Variants in DLG2 observed in about 807,000 individuals in gnomAD.
DLG2 encodes disks large homolog 2.
Under a neutral mutation model 132.5 loss-of-function variants are expected in DLG2, and 45 were observed. That is an observed-to-expected ratio of 0.34 (90% confidence interval 0.27 to 0.44). The LOEUF is 0.44. Among genes scored for constraint, DLG2 ranks in the 20% least tolerant of loss-of-function variants. The pLI, the probability that DLG2 is intolerant of heterozygous loss-of-function variation, is 1.00. For synonymous variants in DLG2, 424 were observed against 419.6 expected (o/e 1.01, Z -0.13); for missense variants, 1,045 against 1,196.9 (o/e 0.87, Z 1.87).
intron 11 of DLG2, among the ~76,000 whole-genome samples, chr11:83,983,298 A>C (rs1217618866): frequency 6.6e-6 from 1 of 152,124 alleles, no homozygotes; most frequent in Non-Finnish European, 1.5e-5. Context: ...ACAGATATTA[A>C]TCAAGGGCCT....
intron 3 of DLG2, among the ~76,000 whole-genome samples, chr11:85,367,627 C>T (rs2084657087): frequency 6.6e-6 from 1 of 152,102 alleles, no homozygotes; most frequent in South Asian, 2.1e-4. Flanking sequence ...GAGCAAGTTA[C>T]TAAACATTGT....
intron 6 of DLG2, among the ~76,000 whole-genome samples, chr11:84,821,651 CA>C (rs1452375406): frequency 1.2e-4 from 15 of 121,056 alleles, no homozygotes; most frequent in South Asian, 7.6e-4. Context: ...ACAACAACAA[CA>C]AAAAAAACAA....
rs375351242 is a variant in DLG2, at chr11:84,993,286, G to A, written c.357+118375C>T. ...GGAGGGTGGGGGGCAAGGAGAGGGA[G>A]AGTGTTAGAACACTACCTAATGCAT... On this transcript the variant is annotated intron_variant, in intron 6 of 27. Transcript: ENST00000376104. 4.5e-4 allele frequency among the ~76,000 whole-genome samples: 69 copies of A among 152,286 alleles called. No individual in the cohort carries two copies. In the South Asian group the frequency reaches 0.013, roughly 29 times the overall value.
At chr11:85,144,778 A>G (rs1210168042) in intron 5 of DLG2, among the ~76,000 whole-genome samples, 1 of 151,856 alleles carries the variant, frequency 6.6e-6, no homozygotes, top group African/African-American at 2.4e-5. Context: ...TATACTATCT[A>G]TTTCTTAGAA....
intron 6 of DLG2, among the ~76,000 whole-genome samples, chr11:84,688,577 C>A (rs2057642290): frequency 6.6e-6 from 1 of 152,110 alleles, no homozygotes; most frequent in African/African-American, 2.4e-5. Context: ...CAGTTCTTGC[C>A]CTTAAGAAGA....
At chr11:83,856,260 G>A (rs2060519996) in intron 16 of DLG2, among the ~76,000 whole-genome samples, 1 of 152,092 alleles carries the variant, frequency 6.6e-6, no homozygotes, top group South Asian at 2.1e-4. Flanking sequence ...TTGATTCCAT[G>A]TCTTTGCTAT....
At chr11:85,207,313 C>T (rs2152562976) in intron 4 of DLG2, among the ~76,000 whole-genome samples, 1 of 152,290 alleles carries the variant, frequency 6.6e-6, no homozygotes, top group South Asian at 2.1e-4. Context: ...AAGCCCTACT[C>T]CCCCAGCCTA....
intron 4 of DLG2, among the ~76,000 whole-genome samples, chr11:85,245,761 C>T (rs1470874209): frequency 6.6e-6 from 1 of 151,960 alleles, no homozygotes; most frequent in East Asian, 1.9e-4. Flanking sequence ...CCCTCTCTGG[C>T]TTTACCTGCT....
intron 3 of DLG2, among the ~76,000 whole-genome samples, chr11:85,392,800 T>C (rs150510419): frequency 3.9e-5 from 6 of 152,078 alleles, no homozygotes; most frequent in East Asian, 1.9e-4. Flanking sequence ...CCTTGTCTCA[T>C]CTCTCACCTT....
At chr11:84,420,139 T>C (rs2154464064) in intron 7 of DLG2, among the ~76,000 whole-genome samples, 1 of 152,290 alleles carries the variant, frequency 6.6e-6, no homozygotes, top group Non-Finnish European at 1.5e-5. Flanking sequence ...AATTATCACG[T>C]AAACCTTCTT....
intron 9 of DLG2, among the ~76,000 whole-genome samples, chr11:84,123,260 G>C (rs2154207899): frequency 6.6e-6 from 1 of 152,300 alleles, no homozygotes; most frequent in Non-Finnish European, 1.5e-5. Context: ...TAAAGCATCT[G>C]TAATGCACTT....
Position 84,708,769 on chromosome 11 carries a change from C to T in DLG2, c.358-174038G>A, listed in dbSNP as rs192067939. On this transcript the variant is annotated intron_variant, in intron 6 of 27. Coordinates refer to ENST00000376104, the MANE Select transcript of DLG2 (RefSeq NM_001142699.3). ...TAGCAATTTGTTGGGGAAATAGCTACAGCAAAGGGCAATGCACAAGTACAG... is the reference window on the plus strand; with the variant it reads ...TAGCAATTTGTTGGGGAAATAGCTATAGCAAAGGGCAATGCACAAGTACAG... 3.9e-3 allele frequency among the ~76,000 whole-genome samples: 587 copies of T among 151,832 alleles called. 2 individuals are homozygous for T. Among genetic ancestry groups the T allele is most frequent in the Non-Finnish European group, 7.0e-3 (474 of 67,864 alleles).
At chr11:84,965,519 GA>G (rs960450751) in intron 6 of DLG2, among the ~76,000 whole-genome samples, 7 of 152,016 alleles carry the variant, frequency 4.6e-5, no homozygotes, top group African/African-American at 7.2e-5. Context: ...TGCTATGGAT[GA>G]GGGGTCATCA....
At chr11:84,123,580 C>T (rs2154208174) in intron 9 of DLG2, among the ~76,000 whole-genome samples, 1 of 152,296 alleles carries the variant, frequency 6.6e-6, no homozygotes, top group African/African-American at 2.4e-5. Context: ...ATGAATCCTG[C>T]TTACATTCAA....
chr11:85,550,960 C>CT lies in DLG2; in HGVS notation c.40+47696dup, dbSNP rs1187997219. The stretch of plus-strand genomic sequence containing the variant: ...AAAGACTTTTCAGAAACAATTGTGT[C>CT]TAACAGTCAAGAAAGAAAATACAGA... On this transcript the variant is annotated intron_variant, in intron 3 of 27. Coordinates refer to ENST00000376104, the MANE Select transcript of DLG2 (RefSeq NM_001142699.3). 9.9e-5 allele frequency among the ~76,000 whole-genome samples: 15 copies of CT among 152,256 alleles called. 1 individual carries two copies. Among genetic ancestry groups the CT allele is most frequent in the African/African-American group, 3.4e-4 (14 of 41,546 alleles).
chr11:84,711,019 T>TAG (rs1433507516), intron 6 of DLG2, among the ~76,000 whole-genome samples: 3 of 90,798 alleles, frequency 3.3e-5, no homozygotes, highest in East Asian at 2.1e-4. Flanking sequence ...GATATATATA[T>TAG]ATATATATAT....
At chr11:85,577,018 G>A (rs1331759332) in intron 3 of DLG2, among the ~76,000 whole-genome samples, 1 of 152,118 alleles carries the variant, frequency 6.6e-6, no homozygotes, top group Non-Finnish European at 1.5e-5. Context: ...AATTGGAGAG[G>A]AGTAGGCAAT....
At chr11:85,405,757 T>C (rs531882901) in intron 3 of DLG2, among the ~76,000 whole-genome samples, 2 of 152,108 alleles carry the variant, frequency 1.3e-5, no homozygotes, top group African/African-American at 4.8e-5. Flanking sequence ...GCCCATGTTC[T>C]TCACCATTCC....
At chr11:84,229,250 G>A (rs2097055913) in intron 8 of DLG2, among the ~76,000 whole-genome samples, 1 of 152,128 alleles carries the variant, frequency 6.6e-6, no homozygotes, top group Non-Finnish European at 1.5e-5. Context: ...CGAACACAGA[G>A]AAAGAAAATC....
Sources: gnomAD v4.1 joint callset for allele counts (sites outside exome capture counted in the v4.1 genomes callset) on GRCh38, gnomAD v4.1.1 for gene constraint, MANE v1.5 for transcripts, NCBI Gene and HGNC (gene_info 2026-07-23, HGNC 2026-07-21) for gene names.